PIK3C2A: variants seen among roughly 807,000 people sequenced by gnomAD.
PIK3C2A encodes the protein phosphatidylinositol-4-phosphate 3-kinase catalytic subunit type 2 alpha.
In PIK3C2A, 97 loss-of-function variants were observed where a neutral mutation model predicts 204.5. The observed-to-expected ratio is 0.47, with a 90% confidence interval of 0.40 to 0.56. The LOEUF is 0.56. PIK3C2A is among the 20% of genes least tolerant of loss of function. The pLI is 0.00. For synonymous variants in PIK3C2A, 653 were observed against 664.4 expected, an observed-to-expected ratio of 0.98 and a Z score of 0.26; for missense variants, 1,735 against 1,969.2, an observed-to-expected ratio of 0.88 and a Z score of 2.25.
intron 4 of PIK3C2A, 113 bp from the exon 5 acceptor site, chr11:17,148,900 T>C: frequency 1.4e-6 from 1 of 718,760 alleles, no homozygotes; most frequent in Non-Finnish European, 2.1e-6. Flanking sequence ...AGTCCACAAA[T>C]GTAGGCCACA....
chr11:17,095,680 T>C (rs554988483), intron 27 of PIK3C2A, among the ~76,000 whole-genome samples: 1 of 151,808 alleles, frequency 6.6e-6, no homozygotes, highest in Admixed American at 6.6e-5. Flanking sequence ...GAGGCCGAAA[T>C]GAGTGGATTA....
At chr11:17,148,384 G>A (rs943662277) in intron 5 of PIK3C2A, 1 of 305,142 alleles carries the variant, frequency 3.3e-6, no homozygotes, top group Admixed American at 4.3e-5. Flanking sequence ...CAGTAAGAAA[G>A]ACCCATTATA....
intron 20 of PIK3C2A, among the ~76,000 whole-genome samples, chr11:17,113,746 C>T (rs994400007): frequency 7.9e-5 from 11 of 140,100 alleles, no homozygotes; most frequent in Non-Finnish European, 1.7e-4. Context: ...TGCACCATTG[C>T]ATTCCAGCCT....
chr11:17,182,833 T>TTTTA (rs1330118738), intron 1 of PIK3C2A, among the ~76,000 whole-genome samples: 6 of 152,020 alleles, frequency 3.9e-5, no homozygotes, highest in African/African-American at 9.7e-5. Context: ...TTCACTGCAT[T>TTTTA]TTTATTTATT....
chr11:17,128,193 T>A (rs1408520195), intron 13 of PIK3C2A, among the ~76,000 whole-genome samples: 1 of 151,868 alleles, frequency 6.6e-6, no homozygotes, highest in Non-Finnish European at 1.5e-5. Context: ...CCCAGTTAAA[T>A]AGGCTTCTTG....
intron 26 of PIK3C2A, among the ~76,000 whole-genome samples, chr11:17,097,976 T>G (rs2137276306): frequency 6.6e-6 from 1 of 152,228 alleles, no homozygotes; most frequent in Admixed American, 6.5e-5. Context: ...TTCTCTCCTA[T>G]CAAACAGTAG....
rs1226357848 is a variant in PIK3C2A at position 17,172,953 on chromosome 11, T to G, written c.-65-3147A>C. Among the ~76,000 whole-genome samples the G allele has an allele frequency of 3.3e-5, 5 of 152,344 alleles. No homozygotes were observed. The East Asian group carries it at 9.6e-4, about 29-fold the overall frequency. ...CAGTAGCTTCCATTTTAATTTTCTT[T>G]TTTCACTGTCAAACTTCTCCAATGA... On this transcript the variant is annotated intron_variant, in intron 1 of 32. Coordinates refer to ENST00000691414, the MANE Select transcript of PIK3C2A (RefSeq NM_002645.4).
chr11:17,093,877 T>A (rs1848382217), intron 28 of PIK3C2A, among the ~76,000 whole-genome samples: 1 of 152,076 alleles, frequency 6.6e-6, no homozygotes, highest in Non-Finnish European at 1.5e-5. Context: ...ACTCAAGGTA[T>A]CTCCCTGCCT....
intron 5 of PIK3C2A, chr11:17,148,463 C>T (rs984771215): frequency 1.9e-6 from 1 of 522,608 alleles, no homozygotes; most frequent in Non-Finnish European, 3.4e-6. Flanking sequence ...AATACAATGT[C>T]TCACTTATCT....
chr11:17,158,372 A>AATATAT (rs560150075), intron 2 of PIK3C2A, among the ~76,000 whole-genome samples: 12 of 147,464 alleles, frequency 8.1e-5, no homozygotes, highest in African/African-American at 3.0e-4. Context: ...AATAATAATA[A>AATATAT]ATATATATAT....
At chr11:17,149,597 A>T (rs1183827092) in intron 4 of PIK3C2A, among the ~76,000 whole-genome samples, 2 of 152,064 alleles carry the variant, frequency 1.3e-5, no homozygotes, top group African/African-American at 2.4e-5. Flanking sequence ...GAAAAATAAA[A>T]ATACAGCAGG....
chr11:17,136,334 A>C (rs1042186371), intron 9 of PIK3C2A, 148 bp downstream of exon 9: 5 of 638,738 alleles, frequency 7.8e-6, no homozygotes, highest in Non-Finnish European at 1.4e-5. Context: ...CTTCTTACCA[A>C]GGAATCCCCA....
At chr11:17,206,238 T>C (rs983890464) in intron 1 of PIK3C2A, among the ~76,000 whole-genome samples, 3 of 152,168 alleles carry the variant, frequency 2.0e-5, no homozygotes, top group African/African-American at 4.8e-5. Context: ...AAACCTACTT[T>C]AGAATGTATT....
chr11:17,096,938 T>A (rs1394250319), intron 27 of PIK3C2A, 119 bp downstream of exon 27: 2 of 636,552 alleles, frequency 3.1e-6, no homozygotes, highest in Non-Finnish European at 5.5e-6. Context: ...GGACCATTCA[T>A]GAAAGAAACA....
intron 12 of PIK3C2A, among the ~76,000 whole-genome samples, chr11:17,130,889 A>C (rs1202853752): frequency 6.6e-6 from 1 of 151,778 alleles, no homozygotes; most frequent in Non-Finnish European, 1.5e-5. Flanking sequence ...CATGGATTTA[A>C]GATAATGTTT....
At chr11:17,117,405 T>C in intron 19 of PIK3C2A, 86 bp downstream of exon 19, 1 of 870,994 alleles carries the variant, frequency 1.1e-6, no homozygotes, top group Non-Finnish European at 1.8e-6. Flanking sequence ...AGTCTACCAA[T>C]AAAGAATAGC....
Position 17,169,085 on chromosome 11 carries a change from G to A in PIK3C2A, c.657C>T (p.Val219=), listed in dbSNP as rs756529124. ...CAAATAGTTTTGCCATGTCAGTACTGACTACTGGACGATAGATAGGTAAGC... is the reference window on the plus strand; with the variant it reads ...CAAATAGTTTTGCCATGTCAGTACTAACTACTGGACGATAGATAGGTAAGC... ...QGSLPIYRPV[V]STDMAKLFDK... is the part of the protein sequence containing the mutation. The change falls in exon 2 of 33, where the codon GTC becomes GTT. Residue 219 remains valine (V), a synonymous_variant. Coordinates refer to ENST00000691414, the MANE Select transcript of PIK3C2A (RefSeq NM_002645.4). 1.2e-6 allele frequency: 2 copies of A among 1,614,174 alleles called. No individual in the cohort carries two copies. Among genetic ancestry groups the A allele is most frequent in the Admixed American group, 1.7e-5 (1 of 60,024 alleles).
Position 17,190,777 on chromosome 11 carries a change from A to T in PIK3C2A, c.-66+17071T>A, listed in dbSNP as rs141052364. Among the ~76,000 whole-genome samples the T allele has an allele frequency of 7.1e-3, 1,086 of 152,242 alleles. 22 individuals carry two copies. The highest frequency in any genetic ancestry group is 0.025 in the African/African-American group (1,033 of 41,548). ...ATAAACCCGAGGACAGATCAATAGA[A>T]AATATCCAAAATGAAACAGAGAAAA... On this transcript the variant is annotated intron_variant, in intron 1 of 32. Coordinates refer to ENST00000691414, the MANE Select transcript of PIK3C2A (RefSeq NM_002645.4).
intron 12 of PIK3C2A, among the ~76,000 whole-genome samples, chr11:17,130,402 T>C (rs545348105): frequency 2.6e-5 from 4 of 152,274 alleles, no homozygotes; most frequent in African/African-American, 9.6e-5. Context: ...TATTTTATAA[T>C]ATAAAAGAAA....
Sources: gnomAD v4.1 joint callset for allele counts (sites outside exome capture counted in the v4.1 genomes callset) on GRCh38, gnomAD v4.1.1 for gene constraint, MANE v1.5 for transcripts, NCBI Gene and HGNC (gene_info 2026-07-23, HGNC 2026-07-21) for gene names.